ANKRD30B: variants seen among roughly 807,000 people sequenced by gnomAD.
ANKRD30B encodes the protein ankyrin repeat domain 30B, also known as ankyrin repeat domain-containing protein 30B.
ANKRD30B carries 144 observed loss-of-function variants against 202.2 expected under a neutral mutation model. The observed-to-expected ratio is 0.71, with a 90% CI of 0.62 to 0.82. The LOEUF (loss-of-function observed/expected upper bound fraction) is 0.82, where lower values mean the gene tolerates loss of function less well. Among genes scored for constraint, ANKRD30B ranks in the 40% least tolerant of loss-of-function variants. The pLI, the probability that ANKRD30B is intolerant of heterozygous loss-of-function variation, is 0.00. For missense variants in ANKRD30B, 1,487 were observed against 1,669.1 expected (o/e 0.89, Z 1.90); for synonymous variants, 508 against 561.3 (o/e 0.91, Z 1.34).
At chr18:14,929,094 C>T in the ANKRD30B span, among the ~76,000 whole-genome samples, 1 of 152,250 alleles carries the variant, frequency 6.6e-6, no homozygotes, top group Admixed American at 6.5e-5. Flanking sequence ...AAACTCAGCC[C>T]TGGGCACATC....
intron 4 of ANKRD30B, 109 bp from the exon 5 acceptor site, chr18:14,757,706 G>A (rs1199987569): frequency 1.5e-5 from 18 of 1,192,680 alleles, no homozygotes; most frequent in Admixed American, 3.0e-5. Flanking sequence ...AAACACTTGA[G>A]CACTCAAGAT....
At position 14,757,818 on chromosome 18, in the gene ANKRD30B, A is replaced by G. The variant is rs752978250; in HGVS notation, c.621A>G (p.Thr207=). 8.7e-6 allele frequency: 14 copies of G among 1,611,644 alleles called. No individual in the cohort carries two copies. Among genetic ancestry groups the G allele is most frequent in the Middle Eastern group, 3.3e-4 (2 of 6,046 alleles). ...NANAFNESKC[T]ALMLAICEGS... is the part of the protein sequence containing the mutation. ...AGTTATCTCTTTGTTATTTTAGCAC[A>G]GCCCTCATGCTTGCCATATGTGAAG... Residue 207 remains threonine, a synonymous_variant, in exon 5 of 44, where the codon ACA becomes ACG. Coordinates refer to ENST00000690538, the MANE Select transcript of ANKRD30B (RefSeq NM_001367607.2).
the ANKRD30B span, among the ~76,000 whole-genome samples, chr18:14,886,994 G>A: frequency 6.6e-6 from 1 of 152,090 alleles, no homozygotes; most frequent in East Asian, 1.9e-4. Context: ...TGTTGACCTA[G>A]CCTTTTCATA....
At chr18:14,779,857 G>A (rs1967607028) in intron 10 of ANKRD30B, 103 bp from the exon 11 acceptor site, 1 of 783,262 alleles carries the variant, frequency 1.3e-6, no homozygotes. Flanking sequence ...ACAGGCTCCA[G>A]AAGAAAGTCC....
At chr18:14,822,169 C>T (rs1598676990) in intron 30 of ANKRD30B, among the ~76,000 whole-genome samples, 1 of 152,112 alleles carries the variant, frequency 6.6e-6, no homozygotes, top group African/African-American at 2.4e-5. Flanking sequence ...CTAAATTCAA[C>T]CTCTTTCCTT....
chr18:14,796,192 A>C, intron 16 of ANKRD30B, 29 bp from the exon 17 acceptor site: 2 of 1,570,868 alleles, frequency 1.3e-6, no homozygotes, highest in Non-Finnish European at 1.8e-6. Flanking sequence ...CTTGCATATA[A>C]TCAATTATAT....
At chr18:14,778,706 A>G (rs758432487) in intron 10 of ANKRD30B, among the ~76,000 whole-genome samples, 4 of 152,218 alleles carry the variant, frequency 2.6e-5, no homozygotes, top group Non-Finnish European at 5.9e-5. Context: ...TCAACAATGC[A>G]TGCTGTGATT....
the ANKRD30B span, among the ~76,000 whole-genome samples, chr18:14,895,443 G>A: frequency 1.3e-5 from 2 of 152,296 alleles, no homozygotes; most frequent in African/African-American, 2.4e-5. Flanking sequence ...AATGCAAAAT[G>A]GTGCAGTCAC....
rs1970913871 is a variant in ANKRD30B, at chr18:14,831,186, A to AAAAAAAAAAC, written c.2775-188_2775-187insCAAAAAAAAA. Among the ~76,000 whole-genome samples, 3 of 150,556 alleles carry AAAAAAAAAAC rather than the reference A, an allele frequency of 2.0e-5. No individual in the cohort carries two copies. The South Asian group carries it at 6.3e-4, about 31-fold the overall frequency. On this transcript the variant is annotated intron_variant, in intron 33 of 43. Coordinates refer to ENST00000690538, the MANE Select transcript of ANKRD30B (RefSeq NM_001367607.2). The stretch of plus-strand genomic sequence containing the variant: ...CAGAGCGAGACTCCGTCTCGGAAAA[A>AAAAAAAAAAC]AAAAAAAAAAAAAACGAAAACCAGA...
At position 14,796,328 on chromosome 18, in the gene ANKRD30B, T is replaced by C; in HGVS notation, c.1855-15T>C. 1 of 1,603,822 alleles carries C rather than the reference T, an allele frequency of 6.2e-7. No individual in the cohort carries two copies. The highest frequency in any genetic ancestry group is 8.5e-7 in the Non-Finnish European group (1 of 1,174,366). On this transcript the variant is annotated splice_polypyrimidine_tract_variant and intron_variant, in intron 17 of 43. Coordinates refer to ENST00000690538, the MANE Select transcript of ANKRD30B (RefSeq NM_001367607.2). Reference sequence around the variant, plus strand: ...TATATTATGTATTAATTTTTGTGTTTCCAAACCCATTTAGCCTACCTGTGG... The same window carrying C: ...TATATTATGTATTAATTTTTGTGTTCCCAAACCCATTTAGCCTACCTGTGG...
chr18:14,796,134 T>C (rs909915658), intron 16 of ANKRD30B, 87 bp from the exon 17 acceptor site: 132 of 1,349,468 alleles, frequency 9.8e-5, no homozygotes, highest in East Asian at 1.4e-4. Flanking sequence ...AGCATGAGGA[T>C]TCATCTTCAT....
the ANKRD30B span, among the ~76,000 whole-genome samples, chr18:14,901,344 T>C: frequency 6.6e-6 from 1 of 152,206 alleles, no homozygotes; most frequent in Non-Finnish European, 1.5e-5. Flanking sequence ...TTTGATAATT[T>C]TGGAGATTAT....
At chr18:14,755,974 G>C (rs564967621) in intron 4 of ANKRD30B, among the ~76,000 whole-genome samples, 1 of 152,102 alleles carries the variant, frequency 6.6e-6, no homozygotes, top group Non-Finnish European at 1.5e-5. Flanking sequence ...CTGAGGAATC[G>C]CCACACCGAC....
At chr18:14,908,904 G>A in the ANKRD30B span, among the ~76,000 whole-genome samples, 1 of 152,144 alleles carries the variant, frequency 6.6e-6, no homozygotes, top group Non-Finnish European at 1.5e-5. Context: ...TGATCCTGGG[G>A]AAAAGCTATC....
chr18:14,922,670 A>AG, the ANKRD30B span, among the ~76,000 whole-genome samples: 1 of 150,316 alleles, frequency 6.7e-6, no homozygotes, highest in Admixed American at 6.6e-5. Flanking sequence ...AAAAAAAAAA[A>AG]AGAAAAGAAA....
At chr18:14,910,441 T>C in the ANKRD30B span, among the ~76,000 whole-genome samples, 2 of 151,302 alleles carry the variant, frequency 1.3e-5, no homozygotes, top group African/African-American at 4.8e-5. Context: ...TAAGTAGTGT[T>C]ACATAATATA....
chr18:14,804,679 AT>A (rs1204996659), intron 24 of ANKRD30B, among the ~76,000 whole-genome samples: 1 of 150,726 alleles, frequency 6.6e-6, no homozygotes, highest in Non-Finnish European at 1.5e-5. Context: ...TGGTGCTCCT[AT>A]TTTTGAGTAT....
chr18:14,917,017 G>A, the ANKRD30B span, among the ~76,000 whole-genome samples: 14 of 152,206 alleles, frequency 9.2e-5, no homozygotes, highest in South Asian at 2.3e-3. Flanking sequence ...CAACTCAGCC[G>A]GGGGCTGCTC....
chr18:14,898,763 T>C, the ANKRD30B span, among the ~76,000 whole-genome samples: 2 of 152,198 alleles, frequency 1.3e-5, no homozygotes, highest in Non-Finnish European at 2.9e-5. Flanking sequence ...GTAGCTCTGA[T>C]TGTGTTACCA....
Sources: allele counts gnomAD v4.1 joint callset (sites outside exome capture counted in the v4.1 genomes callset), GRCh38; gene constraint gnomAD v4.1.1; transcripts MANE v1.5; gene names NCBI Gene and HGNC (gene_info 2026-07-23, HGNC 2026-07-21).